The following IGLL1 variants were observed in gnomAD, a reference collection of about 807,000 sequenced individuals.
IGLL1 encodes the protein immunoglobulin lambda like polypeptide 1.
In IGLL1, 10 loss-of-function variants were observed where a neutral mutation model predicts 10.5. The observed-to-expected ratio is 0.95, with a 90% confidence interval of 0.59 to 1.62. The LOEUF (loss-of-function observed/expected upper bound fraction) is 1.62, where lower values mean the gene tolerates loss of function less well. Among genes scored for constraint, IGLL1 ranks in the 40% most tolerant of loss-of-function variants. IGLL1 has a pLI of 0.00. For synonymous variants in IGLL1, 141 were observed against 122.7 expected, an observed-to-expected ratio of 1.15 and a Z score of -0.99; for missense variants, 284 against 278.7, an observed-to-expected ratio of 1.02 and a Z score of -0.14.
At chr22:23,578,899 T>C (rs532714267) in intron 1 of IGLL1, among the ~76,000 whole-genome samples, 1 of 152,054 alleles carries the variant, frequency 6.6e-6, no homozygotes, top group Admixed American at 6.5e-5. Context: ...GACGGAGGTT[T>C]CAATGAGCCA....
intron 1 of IGLL1, among the ~76,000 whole-genome samples, chr22:23,579,297 G>A (rs748508607): frequency 6.6e-6 from 1 of 152,138 alleles, no homozygotes; most frequent in Non-Finnish European, 1.5e-5. Flanking sequence ...CCCGATGCTT[G>A]GTGCTTTGTC....
intron 2 of IGLL1, among the ~76,000 whole-genome samples, chr22:23,574,293 T>A (rs1436856258): frequency 2.0e-5 from 3 of 152,074 alleles, no homozygotes; most frequent in Non-Finnish European, 4.4e-5. Context: ...CTTCCTCAAA[T>A]GAAGGTGGGA....
At chr22:23,577,996 T>C (rs1925146256) in intron 1 of IGLL1, among the ~76,000 whole-genome samples, 1 of 151,980 alleles carries the variant, frequency 6.6e-6, no homozygotes, top group East Asian at 1.9e-4. Flanking sequence ...GCGATTCTCC[T>C]GCCTCCCCTC....
Position 23,580,215 on chromosome 22 carries a change from G to T in IGLL1, c.-25C>A. The T allele has an allele frequency of 6.5e-7, 1 of 1,535,984 alleles. No homozygotes were observed. The highest frequency in any genetic ancestry group is 1.2e-5 in the South Asian group (1 of 83,994). On this transcript the variant is annotated 5_prime_UTR_variant, in exon 1 of 3. Transcript: ENST00000330377. ...TCGGCCCTCAGGGTCAGAGGTCCTT[G>T]TGGCCTGACTTGCAGTGTGGGCTCC... is the stretch of plus-strand genomic sequence containing the variant.
At chr22:23,575,192 G>T (rs1186644854) in intron 1 of IGLL1, 110 bp from the exon 2 acceptor site, 2 of 814,600 alleles carry the variant, frequency 2.5e-6, no homozygotes, top group African/African-American at 1.7e-5. Flanking sequence ...CTCTGTGCCT[G>T]TCCCTTCTCT....
At position 23,575,001 on chromosome 22, in the gene IGLL1, A is replaced by T. The variant is rs766149395; in HGVS notation, c.288T>A (p.His96Gln). ...GFQSKHNSVT[H>Q]VFGSGTQLTV... ...TGAGCTGGGTCCCGCTGCCAAACACATGCGTCACTGAGTTATGCTTGGATT... is the reference window on the plus strand; with the variant it reads ...TGAGCTGGGTCCCGCTGCCAAACACTTGCGTCACTGAGTTATGCTTGGATT... Residue 96 changes from histidine (H) to glutamine (Q), a missense_variant, in exon 2 of 3, where the codon CAT (histidine) becomes CAA (glutamine). Physicochemically the swap from His to Gln is conservative, Grantham distance 24 (BLOSUM62 0). Coordinates refer to ENST00000330377, the MANE Select transcript of IGLL1 (RefSeq NM_020070.4). The T allele has an allele frequency of 1.2e-6, 2 of 1,613,878 alleles. No individual in the cohort carries two copies. Among genetic ancestry groups the T allele is most frequent in the South Asian group, 2.2e-5 (2 of 91,082 alleles).
chr22:23,574,559 C>G lies in IGLL1; in HGVS notation c.322+408G>C, dbSNP rs185770817. Among the ~76,000 whole-genome samples, 20 of 152,330 alleles carry G rather than the reference C, an allele frequency of 1.3e-4. No individual in the cohort carries two copies. The East Asian group carries it at 3.5e-3, about 27-fold the overall frequency. ...GGGTGACCCCTGTGTCCCCAGGCCCCCGTGTGGCCCTCCCAGGCTGGATGG... is the reference window on the plus strand; with the variant it reads ...GGGTGACCCCTGTGTCCCCAGGCCCGCGTGTGGCCCTCCCAGGCTGGATGG... On this transcript the variant is annotated intron_variant, in intron 2 of 2. Coordinates refer to ENST00000330377, the MANE Select transcript of IGLL1 (RefSeq NM_020070.4).
At chr22:23,579,958 C>A in intron 1 of IGLL1, 27 bp downstream of exon 1, 1 of 1,548,206 alleles carries the variant, frequency 6.5e-7, no homozygotes, top group South Asian at 1.2e-5. Context: ...CAGACCCCCA[C>A]ATCCCCTGGA....
chr22:23,579,753 T>C (rs1407597790), intron 1 of IGLL1, among the ~76,000 whole-genome samples: 1 of 152,046 alleles, frequency 6.6e-6, no homozygotes, highest in African/African-American at 2.4e-5. Context: ...CAAATGTAAG[T>C]GGGGGAAGAA....
chr22:23,577,134 A>G (rs2072143758), intron 1 of IGLL1, among the ~76,000 whole-genome samples: 2 of 152,324 alleles, frequency 1.3e-5, no homozygotes, highest in South Asian at 4.1e-4. Flanking sequence ...AGTACAGGCT[A>G]GGTAGGGTGG....
chr22:23,576,129 C>T (rs1482844915), intron 1 of IGLL1, among the ~76,000 whole-genome samples: 4 of 152,088 alleles, frequency 2.6e-5, no homozygotes, highest in South Asian at 2.1e-4. Context: ...AGATGACCAC[C>T]TTCCCCCAGC....
At chr22:23,575,666 C>T (rs571072036) in intron 1 of IGLL1, among the ~76,000 whole-genome samples, 5 of 152,272 alleles carry the variant, frequency 3.3e-5, no homozygotes, top group African/African-American at 9.6e-5. Context: ...TCTACCTGTC[C>T]GTCCATCCAT....
In IGLL1 at chr22:23,580,205, A is replaced by G; in HGVS notation, c.-15T>C. The G allele has an allele frequency of 6.5e-7, 1 of 1,536,952 alleles. No homozygotes were observed. Among genetic ancestry groups the G allele is most frequent in the East Asian group, 2.4e-5 (1 of 40,982 alleles). On this transcript the variant is annotated 5_prime_UTR_variant, in exon 1 of 3. Coordinates refer to ENST00000330377, the MANE Select transcript of IGLL1 (RefSeq NM_020070.4). ...CCTGGCCTCATCGGCCCTCAGGGTC[A>G]GAGGTCCTTGTGGCCTGACTTGCAG...
At chr22:23,577,378 A>C (rs1055368028) in intron 1 of IGLL1, among the ~76,000 whole-genome samples, 4 of 152,206 alleles carry the variant, frequency 2.6e-5, no homozygotes, top group African/African-American at 9.7e-5. Flanking sequence ...CATCTCTAAA[A>C]AAATAAATAA....
At chr22:23,576,044 T>C (rs1925043251) in intron 1 of IGLL1, among the ~76,000 whole-genome samples, 2 of 152,108 alleles carry the variant, frequency 1.3e-5, no homozygotes, top group African/African-American at 4.8e-5. Flanking sequence ...CCAAACCCTC[T>C]CAGCTCCTCA....
intron 2 of IGLL1, among the ~76,000 whole-genome samples, chr22:23,574,542 CCT>C (rs902162802): frequency 3.9e-5 from 6 of 152,308 alleles, no homozygotes; most frequent in Admixed American, 1.3e-4. Context: ...GGGGGTGACC[CCT>C]GTGTCCCCAG....
At chr22:23,574,609 T>C (rs1188729059) in intron 2 of IGLL1, among the ~76,000 whole-genome samples, 1 of 152,144 alleles carries the variant, frequency 6.6e-6, no homozygotes, top group African/African-American at 2.4e-5. Context: ...GCCTAGAACC[T>C]GGGGTCCCAG....
Position 23,573,511 on chromosome 22 carries a change from G to T in IGLL1, c.397C>A (p.Leu133Met). The T allele has an allele frequency of 1.2e-6, 2 of 1,613,942 alleles. No homozygotes were observed. The highest frequency in any genetic ancestry group is 1.1e-5 in the South Asian group (1 of 91,072). Residue 133 changes from leucine to methionine, a missense_variant, in exon 3 of 3, where the codon CTG (leucine) becomes ATG (methionine). Transcript: ENST00000330377. ...SEELQANKAT[L>M]VCLMNDFYPG... Reference sequence around the variant, plus strand: ...TAAAAGTCATTCATGAGACACACCAGTGTAGCCTTGTTGGCTTGGAGCTCC... The same window carrying T: ...TAAAAGTCATTCATGAGACACACCATTGTAGCCTTGTTGGCTTGGAGCTCC...
intron 1 of IGLL1, 43 bp downstream of exon 1, chr22:23,579,942 G>T: frequency 2.0e-6 from 3 of 1,510,140 alleles, no homozygotes; most frequent in Non-Finnish European, 2.7e-6. Context: ...TCCCGCCTCT[G>T]CCACCCAGAC....
Sources: gnomAD v4.1 joint callset for allele counts (sites outside exome capture counted in the v4.1 genomes callset) on GRCh38, gnomAD v4.1.1 for gene constraint, MANE v1.5 for transcripts, NCBI Gene and HGNC (gene_info 2026-07-23, HGNC 2026-07-21) for gene names.